Variants in LNX1 observed in about 807,000 individuals in gnomAD.
The protein encoded by LNX1 is ligand of numb-protein X 1.
A neutral mutation model predicts 68.4 loss-of-function variants in LNX1; 54 were observed. That is an observed-to-expected ratio of 0.79 (90% CI 0.63 to 0.99). The LOEUF (loss-of-function observed/expected upper bound fraction) is 0.99. Ranked by LOEUF, LNX1 falls within the 50% of genes least tolerant of loss-of-function variation. The pLI is 0.00. For missense variants in LNX1, 906 were observed against 926.4 expected (o/e 0.98, Z 0.29); for synonymous variants, 336 against 350.0 (o/e 0.96, Z 0.45).
At chr4:53,513,876 C>T (rs543367147) in intron 2 of LNX1, among the ~76,000 whole-genome samples, 1 of 152,338 alleles carries the variant, frequency 6.6e-6, no homozygotes, top group African/African-American at 2.4e-5. Flanking sequence ...GTCCTTACAA[C>T]GATCTATACG....
chr4:53,530,033 G>A (rs1487120572), intron 2 of LNX1, among the ~76,000 whole-genome samples: 2 of 152,166 alleles, frequency 1.3e-5, no homozygotes, highest in Non-Finnish European at 2.9e-5. Context: ...AGAAATAGAA[G>A]TTTGATATGT....
chr4:53,598,120 G>A (rs545901963), intron 2 of LNX1, among the ~76,000 whole-genome samples: 2 of 152,244 alleles, frequency 1.3e-5, no homozygotes, highest in East Asian at 3.9e-4. Flanking sequence ...CATCTGCAGG[G>A]CTCAGCTCAG....
chr4:53,490,772 GTATT>G (rs1724625885), intron 6 of LNX1, among the ~76,000 whole-genome samples: 1 of 152,140 alleles, frequency 6.6e-6, no homozygotes, highest in African/African-American at 2.4e-5. Context: ...CATTTGAAGG[GTATT>G]TAGTTTAATC....
At chr4:53,604,265 A>G (rs1283721399) in intron 2 of LNX1, among the ~76,000 whole-genome samples, 1 of 152,216 alleles carries the variant, frequency 6.6e-6, no homozygotes, top group African/African-American at 2.4e-5. Context: ...ATATTCATTT[A>G]TCACAAGCAT....
rs753885156 is a variant in LNX1 at position 53,489,822 on chromosome 4, T to C, written c.1350+6201A>G. 8.5e-5 allele frequency among the ~76,000 whole-genome samples: 13 copies of C among 152,140 alleles called. 1 individual carries two copies. The highest frequency in any genetic ancestry group is 6.5e-5 in the Admixed American group (1 of 15,276). On this transcript the variant is annotated intron_variant, in intron 6 of 10. Transcript: ENST00000263925. ...TATAATCAAGTCTATGTGCATTAAA[T>C]TTACCACAAACCATGGTAAGACAAT...
chr4:53,565,045 C>T (rs1401781700), intron 2 of LNX1, among the ~76,000 whole-genome samples: 4 of 152,128 alleles, frequency 2.6e-5, no homozygotes, highest in Non-Finnish European at 5.9e-5. Context: ...TGAGATCAAA[C>T]TGCAAGGTGG....
At chr4:53,501,488 T>C (rs1725500358) in intron 4 of LNX1, among the ~76,000 whole-genome samples, 2 of 152,160 alleles carry the variant, frequency 1.3e-5, no homozygotes, top group Admixed American at 6.5e-5. Context: ...TCTCACCATG[T>C]TCCCCAGGCT....
rs779938177 is a variant in LNX1, at chr4:53,536,578, A to G, written c.381-28351T>C. ...AGTCCTGATTTACCAGCTCTGGACC[A>G]GATCTCAGGGCCTCTGTGTCCCTGG... On this transcript the variant is annotated intron_variant, in intron 2 of 10. Coordinates refer to ENST00000263925, the MANE Select transcript of LNX1 (RefSeq NM_001126328.3). Among the ~76,000 whole-genome samples the G allele has an allele frequency of 9.9e-4, 151 of 152,214 alleles. 2 individuals are homozygous for G. The highest frequency in any genetic ancestry group is 6.0e-4 in the Non-Finnish European group (41 of 68,042).
chr4:53,559,499 G>T (rs922696257), intron 2 of LNX1, among the ~76,000 whole-genome samples: 8 of 152,194 alleles, frequency 5.3e-5, no homozygotes, highest in Admixed American at 3.3e-4. Context: ...CAGTAGGCAT[G>T]TTTGGTTAAC....
Position 53,478,751 on chromosome 4 carries a change from A to C in LNX1, c.1486-9T>G. On this transcript the variant is annotated splice_polypyrimidine_tract_variant and intron_variant, in intron 7 of 10. Transcript: ENST00000263925. ...ATTGTAGGATGGAGGGGCTGAAGGCACAGATGGAAAAACATGGCACATGAA... is the reference window on the plus strand; with the variant it reads ...ATTGTAGGATGGAGGGGCTGAAGGCCCAGATGGAAAAACATGGCACATGAA... 6.2e-7 allele frequency: 1 copy of C among 1,608,958 alleles called. No homozygotes were observed.
intron 1 of LNX1, among the ~76,000 whole-genome samples, chr4:53,642,555 G>C (rs775736401): frequency 1.5e-4 from 23 of 152,082 alleles, no homozygotes; most frequent in Non-Finnish European, 3.2e-4. Context: ...TATGTGGCAC[G>C]GTTATTCTTT....
In LNX1 at chr4:53,471,022, C is replaced by T. The variant is rs1319754985; in HGVS notation, c.1892+5731G>A. On this transcript the variant is annotated intron_variant, in intron 9 of 10. Transcript: ENST00000263925. ...GTTCATATGGAACCAAAAAAGAGCC[C>T]GCATTGCCAAGTCAATCCTAAGCCA... is the stretch of plus-strand genomic sequence containing the variant. 1.1e-4 allele frequency among the ~76,000 whole-genome samples: 13 copies of T among 119,534 alleles called. 1 individual carries two copies. Among genetic ancestry groups the T allele is most frequent in the South Asian group, 3.1e-4 (1 of 3,264 alleles). 78.4% of individuals were successfully genotyped at this position (119,534 alleles called of 152,430 possible). A position where few individuals can be genotyped will look rare whatever the true frequency, so the allele number is the denominator to read the frequency against.
At position 53,573,819 on chromosome 4, in the gene LNX1, T is replaced by G. The variant is rs1577738634; in HGVS notation, c.184A>C (p.Thr62Pro). The G allele has an allele frequency of 6.2e-7, 1 of 1,612,992 alleles. No individual in the cohort carries two copies. The highest frequency in any genetic ancestry group is 8.5e-7 in the Non-Finnish European group (1 of 1,179,584). Reference protein sequence around the residue: ...LDTPCGHTYCTLCLTNFLVEK... With the variant: ...LDTPCGHTYCPLCLTNFLVEK... ...ACCAGGAAGTTGGTGAGGCAGAGGG[T>G]GCAGTAGGTGTGTCCACACGGAGTG... The change falls in exon 2 of 11, where the codon ACC becomes CCC. Residue 62 changes from threonine (T) to proline (P), a missense_variant. By Grantham distance (38) the Thr-to-Pro change is conservative. Coordinates refer to ENST00000263925, the MANE Select transcript of LNX1 (RefSeq NM_001126328.3).
At chr4:53,568,580 C>CGGGCACAAGACGGG (rs1553939201) in intron 2 of LNX1, among the ~76,000 whole-genome samples, 3 of 147,082 alleles carry the variant, frequency 2.0e-5, no homozygotes, top group Admixed American at 6.7e-5. Flanking sequence ...CCTTTGAAAA[C>CGGGCACAAGACGGG]GGGCACAAGA....
chr4:53,638,425 C>T (rs1734560686), intron 1 of LNX1, among the ~76,000 whole-genome samples: 1 of 152,156 alleles, frequency 6.6e-6, no homozygotes, highest in African/African-American at 2.4e-5. Flanking sequence ...AAACTCAATG[C>T]TCATGGTGCT....
At chr4:53,541,152 A>ATT (rs1433466719) in intron 2 of LNX1, among the ~76,000 whole-genome samples, 1 of 151,834 alleles carries the variant, frequency 6.6e-6, no homozygotes, top group Non-Finnish European at 1.5e-5. Context: ...AAAAAGAAAA[A>ATT]AAAAAAAGAA....
chr4:53,543,528 G>GA (rs11301662), intron 2 of LNX1, among the ~76,000 whole-genome samples: 11 of 151,894 alleles, frequency 7.2e-5, no homozygotes, highest in African/African-American at 2.2e-4. Context: ...TGGAAAAGAA[G>GA]AAAAAAAAAT....
At chr4:53,616,104 C>G (rs1281099138) in intron 2 of LNX1, among the ~76,000 whole-genome samples, 1 of 152,098 alleles carries the variant, frequency 6.6e-6, no homozygotes, top group Non-Finnish European at 1.5e-5. Context: ...TTCATGAGTT[C>G]AATTGTTTTG....
intron 5 of LNX1, among the ~76,000 whole-genome samples, chr4:53,497,942 G>A (rs1441475334): frequency 2.6e-5 from 4 of 152,148 alleles, no homozygotes; most frequent in African/African-American, 4.8e-5. Context: ...GAAAATATAC[G>A]AGCAGGGAGG....
Sources: gnomAD v4.1 joint callset for allele counts (sites outside exome capture counted in the v4.1 genomes callset) on GRCh38, gnomAD v4.1.1 for gene constraint, MANE v1.5 for transcripts, NCBI Gene and HGNC (gene_info 2026-07-23, HGNC 2026-07-21) for gene names.